AGBL4: variants seen among roughly 807,000 people sequenced by gnomAD.
The protein encoded by AGBL4 is cytosolic carboxypeptidase 6.
In AGBL4, 58 loss-of-function variants were observed where a neutral mutation model predicts 66.4. That is an observed-to-expected ratio of 0.87 (90% CI 0.71 to 1.09). The LOEUF is 1.09. AGBL4 is among the 50% of genes least tolerant of loss of function. The pLI, the probability that AGBL4 is intolerant of heterozygous loss-of-function variation, is 0.00. For synonymous variants in AGBL4, 234 were observed against 222.9 expected, an observed-to-expected ratio of 1.05 and a Z score of -0.44; for missense variants, 579 against 631.0, an observed-to-expected ratio of 0.92 and a Z score of 0.88.
intron 6 of AGBL4, among the ~76,000 whole-genome samples, chr1:48,703,081 AAGAGATACACTAC>A (rs1167317562): frequency 6.6e-6 from 1 of 152,228 alleles, no homozygotes; most frequent in Non-Finnish European, 1.5e-5. Context: ...TGGGCCTTTA[AAGAGATACACTAC>A]AGCAAAAAGG....
At chr1:49,949,006 A>G (rs2148318092) in intron 1 of AGBL4, among the ~76,000 whole-genome samples, 1 of 151,984 alleles carries the variant, frequency 6.6e-6, no homozygotes, top group Non-Finnish European at 1.5e-5. Context: ...AGGCACATAG[A>G]CCAATGGAAC....
intron 3 of AGBL4, among the ~76,000 whole-genome samples, chr1:49,526,119 A>C (rs992591268): frequency 1.6e-4 from 25 of 151,724 alleles, no homozygotes; most frequent in Non-Finnish European, 3.7e-4. Context: ...ACAAAAAAAA[A>C]CCATTAGGCC....
At chr1:49,593,629 T>C (rs1201976589) in intron 3 of AGBL4, among the ~76,000 whole-genome samples, 1 of 152,200 alleles carries the variant, frequency 6.6e-6, no homozygotes, top group Non-Finnish European at 1.5e-5. Flanking sequence ...AGATTGTCGC[T>C]ATATGAACCC....
chr1:49,854,520 T>C (rs1167560036), intron 1 of AGBL4, among the ~76,000 whole-genome samples: 1 of 152,122 alleles, frequency 6.6e-6, no homozygotes, highest in African/African-American at 2.4e-5. Flanking sequence ...ACTCACACTC[T>C]GTTCTACTCA....
At chr1:49,976,759 T>C (rs1439419674) in intron 1 of AGBL4, among the ~76,000 whole-genome samples, 2 of 152,210 alleles carry the variant, frequency 1.3e-5, no homozygotes, top group African/African-American at 2.4e-5. Flanking sequence ...AAGCAAAACA[T>C]ATATACATAG....
At chr1:49,673,420 C>G (rs191230108) in intron 3 of AGBL4, among the ~76,000 whole-genome samples, 113 of 152,206 alleles carry the variant, frequency 7.4e-4, no homozygotes, top group African/African-American at 2.5e-3. Context: ...TCAACAACAA[C>G]TTAATTGTAT....
At chr1:49,521,399 G>A (rs1056794954) in intron 3 of AGBL4, among the ~76,000 whole-genome samples, 3 of 151,940 alleles carry the variant, frequency 2.0e-5, no homozygotes, top group Non-Finnish European at 4.4e-5. Context: ...CATGGTACTG[G>A]TACAAAAACA....
At chr1:49,217,928 CT>C (rs975487826) in intron 4 of AGBL4, among the ~76,000 whole-genome samples, 1 of 152,120 alleles carries the variant, frequency 6.6e-6, no homozygotes, top group African/African-American at 2.4e-5. Context: ...GCAAAATCCC[CT>C]TTCTGTGATC....
intron 5 of AGBL4, among the ~76,000 whole-genome samples, chr1:48,909,951 T>C (rs1188122519): frequency 1.3e-5 from 2 of 152,216 alleles, no homozygotes; most frequent in African/African-American, 4.8e-5. Flanking sequence ...TGCTTTTCCA[T>C]AAATCCTGAT....
chr1:50,022,957 G>T (rs1231014904), intron 1 of AGBL4, among the ~76,000 whole-genome samples: 1 of 152,114 alleles, frequency 6.6e-6, no homozygotes, highest in Admixed American at 6.5e-5. Context: ...TGCACAAGGG[G>T]TCCCCTCAGG....
chr1:48,765,315 G>T (rs1490247683), intron 6 of AGBL4, among the ~76,000 whole-genome samples: 1 of 152,142 alleles, frequency 6.6e-6, no homozygotes, highest in African/African-American at 2.4e-5. Flanking sequence ...TATATGAAAG[G>T]AGCTCAACAT....
At chr1:49,797,114 A>AT (rs1476982229) in intron 2 of AGBL4, among the ~76,000 whole-genome samples, 5 of 152,154 alleles carry the variant, frequency 3.3e-5, no homozygotes, top group Admixed American at 6.5e-5. Flanking sequence ...TCTCCAGCAA[A>AT]TTTTTTATCA....
chr1:49,813,485 T>C (rs1167177388), intron 2 of AGBL4, among the ~76,000 whole-genome samples: 3 of 152,090 alleles, frequency 2.0e-5, no homozygotes, highest in Admixed American at 2.0e-4. Context: ...CACCACTCTT[T>C]ATCCCTAGGT....
intron 4 of AGBL4, among the ~76,000 whole-genome samples, chr1:49,097,738 A>T (rs1645132352): frequency 6.6e-6 from 1 of 152,142 alleles, no homozygotes; most frequent in South Asian, 2.1e-4. Context: ...GCACCACCAC[A>T]TCTGGCTAAT....
intron 3 of AGBL4, among the ~76,000 whole-genome samples, chr1:49,649,182 C>T (rs891486098): frequency 5.3e-5 from 8 of 151,824 alleles, no homozygotes; most frequent in African/African-American, 1.5e-4. Flanking sequence ...ATGGTAACAA[C>T]GGATAGTAAA....
intron 3 of AGBL4, among the ~76,000 whole-genome samples, chr1:49,568,621 A>C (rs575311702): frequency 5.9e-5 from 9 of 152,176 alleles, no homozygotes; most frequent in Non-Finnish European, 8.8e-5. Flanking sequence ...CAAACTACCA[A>C]TGATGTTCTT....
intron 6 of AGBL4, among the ~76,000 whole-genome samples, chr1:48,836,639 G>A (rs1646680317): frequency 6.6e-6 from 1 of 152,070 alleles, no homozygotes; most frequent in Non-Finnish European, 1.5e-5. Flanking sequence ...AAAAATCAGT[G>A]TCAGATGGGA....
intron 2 of AGBL4, among the ~76,000 whole-genome samples, chr1:49,711,485 A>C (rs1349176900): frequency 6.6e-6 from 1 of 152,086 alleles, no homozygotes; most frequent in African/African-American, 2.4e-5. Context: ...CACACAAAAC[A>C]AGGTACATAA....
At chr1:49,856,570 A>G (rs776403245) in intron 1 of AGBL4, among the ~76,000 whole-genome samples, 58 of 152,264 alleles carry the variant, frequency 3.8e-4, no homozygotes, top group Non-Finnish European at 7.1e-4. Context: ...AGGACGGTTC[A>G]ACATACAAAA....
Sources: gnomAD v4.1 joint callset for allele counts (sites outside exome capture counted in the v4.1 genomes callset) on GRCh38, gnomAD v4.1.1 for gene constraint, MANE v1.5 for transcripts, NCBI Gene and HGNC (gene_info 2026-07-23, HGNC 2026-07-21) for gene names.